Variants in DST observed in about 807,000 individuals in gnomAD.
DST encodes bullous pemphigoid antigen.
A neutral mutation model predicts 875.2 loss-of-function variants in DST; 253 were observed. The ratio of observed to expected loss-of-function variants is 0.29; its 90% CI spans 0.26 to 0.32. The LOEUF is 0.32. DST is among the 10% of genes least tolerant of loss of function. DST has a pLI of 1.00. For missense variants in DST, 8,287 were observed against 9,111.6 expected, an observed-to-expected ratio of 0.91 and a Z score of 3.68; for synonymous variants, 3,124 against 3,197.1, an observed-to-expected ratio of 0.98 and a Z score of 0.77.
intron 3 of DST, among the ~76,000 whole-genome samples, chr6:56,861,051 G>A (rs1562209399): frequency 6.6e-6 from 1 of 151,736 alleles, no homozygotes; most frequent in Non-Finnish European, 1.5e-5. Flanking sequence ...CATAAGCAAA[G>A]TTATGTCTTT....
At chr6:56,930,856 A>C (rs1809805375) in intron 2 of DST, among the ~76,000 whole-genome samples, 1 of 152,224 alleles carries the variant, frequency 6.6e-6, no homozygotes, top group South Asian at 2.1e-4. Context: ...CAGCTCTCAG[A>C]ATATTCCTTT....
At chr6:56,797,818 C>CAA (rs34649685) in intron 4 of DST, among the ~76,000 whole-genome samples, 1,713 of 60,702 alleles carry the variant, frequency 0.028, 51 homozygotes, top group African/African-American at 0.083. Flanking sequence ...AACTCCGTCT[C>CAA]AAAAAAAAAA....
intron 30 of DST, 85 bp from the exon 31 acceptor site, chr6:56,630,468 T>A: frequency 8.7e-7 from 1 of 1,147,962 alleles, no homozygotes. Context: ...TTATGACACA[T>A]GACATAACAT....
At chr6:56,915,981 A>G (rs1458620902) in intron 2 of DST, among the ~76,000 whole-genome samples, 1 of 152,220 alleles carries the variant, frequency 6.6e-6, no homozygotes. Flanking sequence ...CAACCCTATC[A>G]TGACTGAGGC....
At chr6:56,509,981 A>C (rs2096436602) in intron 73 of DST, 108 bp from the exon 74 acceptor site, 1 of 884,408 alleles carries the variant, frequency 1.1e-6, no homozygotes, top group Admixed American at 3.0e-5. Flanking sequence ...ATTAAGAATA[A>C]ATCTTAGCCT....
At chr6:56,908,349 G>C (rs947373191) in intron 2 of DST, among the ~76,000 whole-genome samples, 1 of 152,092 alleles carries the variant, frequency 6.6e-6, no homozygotes, top group Non-Finnish European at 1.5e-5. Flanking sequence ...CAACGAACTT[G>C]GATGCAGAAA....
chr6:56,881,566 A>G (rs939263149), intron 3 of DST, among the ~76,000 whole-genome samples: 4 of 152,190 alleles, frequency 2.6e-5, no homozygotes, highest in Non-Finnish European at 5.9e-5. Flanking sequence ...CTGACATCCA[A>G]CTGACTGATC....
chr6:56,596,229 A>T (rs1383366139), intron 47 of DST, among the ~76,000 whole-genome samples: 6 of 151,682 alleles, frequency 4.0e-5, no homozygotes, highest in Non-Finnish European at 5.9e-5. Flanking sequence ...GGGCTTCACC[A>T]TGTTGGCCAG....
intron 61 of DST, among the ~76,000 whole-genome samples, chr6:56,548,742 C>T (rs2097270771): frequency 6.6e-6 from 1 of 152,188 alleles, no homozygotes; most frequent in African/African-American, 2.4e-5. Context: ...GAAAATGGTA[C>T]TCTAACTTAC....
intron 4 of DST, among the ~76,000 whole-genome samples, chr6:56,736,531 G>A (rs1480608114): frequency 6.6e-6 from 1 of 151,684 alleles, no homozygotes; most frequent in African/African-American, 2.4e-5. Context: ...CTCCTTCCTT[G>A]GTGGTCTTCT....
chr6:56,486,974 C>A, intron 87 of DST, 130 bp downstream of exon 87: 2 of 797,590 alleles, frequency 2.5e-6, no homozygotes, highest in Non-Finnish European at 3.9e-6. Flanking sequence ...GTGTGGGATA[C>A]TTAGGACAAG....
chr6:56,657,565 T>C (rs115649501), intron 10 of DST, among the ~76,000 whole-genome samples: 3,767 of 152,202 alleles, frequency 0.025, 71 homozygotes, highest in Non-Finnish European at 0.041. Flanking sequence ...ATGGTGGTTG[T>C]CAACGGGTGG....
At chr6:56,702,688 T>C (rs531234584) in intron 7 of DST, among the ~76,000 whole-genome samples, 2 of 152,358 alleles carry the variant, frequency 1.3e-5, no homozygotes, top group South Asian at 4.1e-4. Flanking sequence ...TTTTCCTTAA[T>C]GCCATTTCCC....
intron 67 of DST, 142 bp from the exon 68 acceptor site, chr6:56,527,876 C>A: frequency 3.4e-6 from 3 of 875,534 alleles, no homozygotes; most frequent in Non-Finnish European, 4.9e-6. Context: ...TCAAGAGAAG[C>A]CCTTTTCTAA....
In DST at chr6:56,501,071, G is replaced by A. The variant is rs777689743; in HGVS notation, c.19896+9C>T. 2.5e-6 allele frequency: 4 copies of A among 1,611,214 alleles called. No homozygotes were observed. Among genetic ancestry groups the A allele is most frequent in the Non-Finnish European group, 3.4e-6 (4 of 1,178,498 alleles). On this transcript the variant is annotated intron_variant, in intron 80 of 103. Transcript: ENST00000680361. ...AGAAGAAACATAACATGCATTAACA[G>A]CTACGTACATGATGCTTGGCAAGTT... is the stretch of plus-strand genomic sequence containing the variant.
At chr6:56,670,321 G>A (rs1005672209) in intron 10 of DST, among the ~76,000 whole-genome samples, 1 of 151,870 alleles carries the variant, frequency 6.6e-6, no homozygotes, top group African/African-American at 2.4e-5. Context: ...CTTGGCCTCC[G>A]GAGTAGCTGG....
At chr6:56,911,780 T>C (rs1798895344) in intron 2 of DST, among the ~76,000 whole-genome samples, 1 of 152,166 alleles carries the variant, frequency 6.6e-6, no homozygotes, top group Non-Finnish European at 1.5e-5. Flanking sequence ...CAGCATCTTC[T>C]CCTTTAAAGA....
intron 4 of DST, among the ~76,000 whole-genome samples, chr6:56,772,014 A>C (rs1430093959): frequency 2.0e-5 from 3 of 152,238 alleles, no homozygotes; most frequent in Non-Finnish European, 2.9e-5. Context: ...TACCAGTATT[A>C]GTTATAAAAG....
chr6:56,586,290 T>C (rs1341742675), intron 49 of DST, among the ~76,000 whole-genome samples: 7 of 151,684 alleles, frequency 4.6e-5, no homozygotes, highest in Non-Finnish European at 1.0e-4. Context: ...CTGTATTGGG[T>C]GCATATATAT....
Sources: gnomAD v4.1 joint callset for allele counts (sites outside exome capture counted in the v4.1 genomes callset) on GRCh38, gnomAD v4.1.1 for gene constraint, MANE v1.5 for transcripts, NCBI Gene and HGNC (gene_info 2026-07-23, HGNC 2026-07-21) for gene names.